Variants in KIF16B observed in about 807,000 individuals in gnomAD.
The protein encoded by KIF16B is kinesin-like protein KIF16B.
Under a neutral mutation model 156.3 loss-of-function variants are expected in KIF16B, and 98 were observed. That is an observed-to-expected ratio of 0.63 (90% CI 0.53 to 0.74). The LOEUF is 0.74. Ranked by LOEUF, KIF16B falls within the 30% of genes least tolerant of loss-of-function variation. The probability of loss-of-function intolerance (pLI) is 0.00; values close to 1 mark genes in which losing one functional copy is unlikely to be tolerated. For missense variants in KIF16B, 1,421 were observed against 1,606.5 expected (o/e 0.88, Z 1.97); for synonymous variants, 564 against 583.7 (o/e 0.97, Z 0.49).
chr20:16,507,892 A>G, intron 7 of KIF16B, 66 bp downstream of exon 7: 1 of 1,551,696 alleles, frequency 6.4e-7, no homozygotes, highest in Admixed American at 1.7e-5. Context: ...ATCAGTCCTC[A>G]GCTGGTGCTA....
intron 12 of KIF16B, among the ~76,000 whole-genome samples, chr20:16,489,743 G>A (rs943017094): frequency 8.5e-5 from 12 of 141,252 alleles, no homozygotes; most frequent in East Asian, 5.8e-4. Context: ...GTACAGACCC[G>A]TCCCCTGGGG....
At chr20:16,276,839 G>A (rs6111006) in intron 25 of KIF16B, among the ~76,000 whole-genome samples, 101,968 of 152,178 alleles carry the variant, frequency 0.67, 35,612 homozygotes, top group East Asian at 0.99. Flanking sequence ...CGTGCTGAGA[G>A]GAAACCTTGC....
intron 12 of KIF16B, among the ~76,000 whole-genome samples, chr20:16,487,886 C>T (rs895061905): frequency 1.8e-4 from 28 of 152,206 alleles, no homozygotes; most frequent in Non-Finnish European, 4.1e-4. Context: ...CCTCCAAATT[C>T]AGTTTTCGAC....
At chr20:16,430,894 T>C (rs539773767) in intron 12 of KIF16B, among the ~76,000 whole-genome samples, 6 of 151,620 alleles carry the variant, frequency 4.0e-5, no homozygotes, top group Admixed American at 3.3e-4. Flanking sequence ...AGTTTAGCTA[T>C]GGAGATGTCA....
At chr20:16,549,034 TTC>T (rs1491506617) in intron 1 of KIF16B, among the ~76,000 whole-genome samples, 4 of 132,620 alleles carry the variant, frequency 3.0e-5, no homozygotes, top group South Asian at 4.5e-4. Flanking sequence ...ATGTTTTTTT[TTC>T]GTTAGTTTTT....
intron 17 of KIF16B, among the ~76,000 whole-genome samples, chr20:16,394,360 G>A (rs2065441762): frequency 6.6e-6 from 1 of 152,086 alleles, no homozygotes; most frequent in Non-Finnish European, 1.5e-5. Flanking sequence ...GGACAAAAAG[G>A]AAAAAAGCAA....
chr20:16,516,435 C>T (rs577132336), intron 3 of KIF16B, among the ~76,000 whole-genome samples: 1 of 152,290 alleles, frequency 6.6e-6, no homozygotes, highest in East Asian at 1.9e-4. Context: ...TTAGTTATAG[C>T]CAGCTGGAAA....
Position 16,378,983 on chromosome 20 carries a change from G to C in KIF16B, c.3019C>G (p.Arg1007Gly). The C allele has an allele frequency of 6.2e-7, 1 of 1,613,996 alleles. No homozygotes were observed. Among genetic ancestry groups the C allele is most frequent in the Non-Finnish European group, 8.5e-7 (1 of 1,179,930 alleles). ...REKQQREALERALARLERRHS... is the reference protein window; with the variant it reads ...REKQQREALEGALARLERRHS... Reference sequence around the variant, plus strand: ...CTCCTCTCCAGCCTGGCCAGGGCCCGCTCCAGCGCCTCTCTCTGCTGCTTC... The same window carrying C: ...CTCCTCTCCAGCCTGGCCAGGGCCCCCTCCAGCGCCTCTCTCTGCTGCTTC... Residue 1007 changes from arginine (R) to glycine (G), a missense_variant, in exon 19 of 26, where the codon CGG becomes GGG. Transcript: ENST00000354981.
chr20:16,530,138 GAT>G (rs1016089276), intron 1 of KIF16B, among the ~76,000 whole-genome samples: 2 of 152,198 alleles, frequency 1.3e-5, no homozygotes, highest in Non-Finnish European at 2.9e-5. Flanking sequence ...TTGGAGAAGT[GAT>G]TCAATCCAAA....
intron 23 of KIF16B, among the ~76,000 whole-genome samples, chr20:16,340,702 C>G: frequency 6.6e-6 from 1 of 152,186 alleles, no homozygotes; most frequent in East Asian, 1.9e-4. Context: ...GCTTTCACAG[C>G]TAATTAATGT....
intron 1 of KIF16B, among the ~76,000 whole-genome samples, chr20:16,541,076 A>G (rs953658810): frequency 9.9e-5 from 15 of 152,284 alleles, no homozygotes; most frequent in African/African-American, 3.6e-4. Context: ...CAGGGCCTGA[A>G]GACAAACTCA....
chr20:16,354,658 AG>A (rs1352227142), intron 23 of KIF16B, among the ~76,000 whole-genome samples: 1 of 152,244 alleles, frequency 6.6e-6, no homozygotes, highest in Non-Finnish European at 1.5e-5. Flanking sequence ...TAAGAATAAC[AG>A]CAAAGGCTGG....
chr20:16,515,808 A>G (rs1600598264), intron 3 of KIF16B, 144 bp from the exon 4 acceptor site: 1 of 547,256 alleles, frequency 1.8e-6, no homozygotes, highest in Non-Finnish European at 3.2e-6. Flanking sequence ...ACCATTCACA[A>G]CAACATATGT....
chr20:16,512,954 C>T (rs1234056856), intron 4 of KIF16B, 31 bp from the exon 5 acceptor site: 1 of 1,495,960 alleles, frequency 6.7e-7, no homozygotes, highest in South Asian at 1.1e-5. Context: ...TCACAGCTGT[C>T]ACTCAAAATA....
At chr20:16,546,776 T>A (rs1048563521) in intron 1 of KIF16B, among the ~76,000 whole-genome samples, 3 of 152,126 alleles carry the variant, frequency 2.0e-5, no homozygotes, top group African/African-American at 7.2e-5. Flanking sequence ...TATTTAATTA[T>A]TTATTTATTT....
intron 24 of KIF16B, among the ~76,000 whole-genome samples, chr20:16,333,646 G>A (rs538506857): frequency 7.9e-5 from 12 of 152,138 alleles, no homozygotes; most frequent in East Asian, 1.9e-4. Context: ...TAACTTCTTC[G>A]ACTCACTGGT....
intron 22 of KIF16B, among the ~76,000 whole-genome samples, chr20:16,361,613 A>G (rs552139131): frequency 2.0e-5 from 3 of 152,330 alleles, no homozygotes; most frequent in Admixed American, 2.0e-4. Context: ...AAACAGTGCT[A>G]ACCTTATCTC....
At chr20:16,568,026 A>G (rs2071324038) in intron 1 of KIF16B, among the ~76,000 whole-genome samples, 1 of 152,256 alleles carries the variant, frequency 6.6e-6, no homozygotes, top group African/African-American at 2.4e-5. Context: ...AATACAAGAC[A>G]TGTCTGTCCT....
At chr20:16,404,964 C>T in intron 16 of KIF16B, 63 bp from the exon 17 acceptor site, 1 of 1,133,670 alleles carries the variant, frequency 8.8e-7, no homozygotes, top group Non-Finnish European at 1.3e-6. Context: ...CTGCTCTGGA[C>T]TCATTGCTTC....
Sources: gnomAD v4.1 joint callset for allele counts (sites outside exome capture counted in the v4.1 genomes callset) on GRCh38, gnomAD v4.1.1 for gene constraint, MANE v1.5 for transcripts, NCBI Gene and HGNC (gene_info 2026-07-23, HGNC 2026-07-21) for gene names.